The following CAST variants were observed in gnomAD, a reference collection of about 807,000 sequenced individuals.
CAST encodes calpastatin, also known as MIR583 host.
A neutral mutation model predicts 119.6 loss-of-function variants in CAST; 76 were observed. The ratio of observed to expected loss-of-function variants is 0.64; its 90% CI spans 0.53 to 0.77. The LOEUF (loss-of-function observed/expected upper bound fraction) is 0.77, where lower values mean the gene tolerates loss of function less well. Among genes scored for constraint, CAST ranks in the 30% least tolerant of loss-of-function variants. CAST has a pLI of 0.00. For missense variants in CAST, 953 were observed against 946.5 expected (o/e 1.01, Z -0.09); for synonymous variants, 319 against 331.6 (o/e 0.96, Z 0.41).
chr5:96,297,102 T>C, the CAST span, among the ~76,000 whole-genome samples: 2 of 152,210 alleles, frequency 1.3e-5, no homozygotes. Context: ...ATGCACAAGA[T>C]AGAAATTAGT....
the CAST span, among the ~76,000 whole-genome samples, chr5:96,468,806 C>G: frequency 6.6e-6 from 1 of 152,138 alleles, no homozygotes; most frequent in East Asian, 1.9e-4. Flanking sequence ...ACACATCTTC[C>G]CCTTCTGTCT....
the CAST span, among the ~76,000 whole-genome samples, chr5:96,025,803 T>G: frequency 6.6e-6 from 1 of 152,222 alleles, no homozygotes; most frequent in Non-Finnish European, 1.5e-5. Context: ...AAGAGTTAAG[T>G]AGCATAGTGT....
the CAST span, among the ~76,000 whole-genome samples, chr5:95,997,003 T>G: frequency 6.6e-6 from 1 of 152,128 alleles, no homozygotes; most frequent in African/African-American, 2.4e-5. Context: ...TTGAAAATAG[T>G]GATATTTTAC....
chr5:96,197,937 T>G, the CAST span, among the ~76,000 whole-genome samples: 35 of 152,182 alleles, frequency 2.3e-4, no homozygotes, highest in Non-Finnish European at 3.7e-4. Flanking sequence ...TTTTGTATTT[T>G]TTGTAGAGAT....
the CAST span, among the ~76,000 whole-genome samples, chr5:96,143,729 TAA>T: frequency 6.6e-6 from 1 of 152,076 alleles, no homozygotes; most frequent in Non-Finnish European, 1.5e-5. Context: ...GACAAGCTTG[TAA>T]AAAAAAGTTC....
At chr5:96,506,260 A>T in the CAST span, among the ~76,000 whole-genome samples, 1 of 152,226 alleles carries the variant, frequency 6.6e-6, no homozygotes. Context: ...GAATTCCTGA[A>T]GAGATTCTTG....
chr5:96,490,312 T>C, the CAST span, among the ~76,000 whole-genome samples: 1 of 151,748 alleles, frequency 6.6e-6, no homozygotes, highest in Middle Eastern at 3.2e-3. Flanking sequence ...ACAATCCCAA[T>C]ACAAATTTCA....
intron 1 of CAST, among the ~76,000 whole-genome samples, chr5:96,628,142 C>T (rs1020155788): frequency 1.3e-5 from 2 of 152,188 alleles, no homozygotes; most frequent in Admixed American, 6.5e-5. Flanking sequence ...TAATCATCTG[C>T]TTATCATTCA....
chr5:96,737,024 A>G (rs1351506418), intron 10 of CAST, among the ~76,000 whole-genome samples: 1 of 152,186 alleles, frequency 6.6e-6, no homozygotes. Context: ...GGAACAGTCA[A>G]ACACTTATAA....
chr5:96,522,475 A>G (rs1482917788), upstream of CAST, among the ~76,000 whole-genome samples: 1 of 152,222 alleles, frequency 6.6e-6, no homozygotes, highest in African/African-American at 2.4e-5. Context: ...AGGACGCTGT[A>G]GCCTATGTCA....
upstream of CAST, among the ~76,000 whole-genome samples, chr5:96,659,675 C>T (rs897316200): frequency 3.3e-5 from 5 of 151,972 alleles, no homozygotes; most frequent in Admixed American, 1.3e-4. Context: ...ATTACAGGTG[C>T]GCGCCACCAT....
chr5:96,405,802 T>C, the CAST span, among the ~76,000 whole-genome samples: 1 of 152,218 alleles, frequency 6.6e-6, no homozygotes, highest in Admixed American at 6.5e-5. Context: ...AAAATTGGCA[T>C]TACTTCTGTT....
At chr5:96,718,943 G>A (rs1244310580) in intron 3 of CAST, among the ~76,000 whole-genome samples, 2 of 152,132 alleles carry the variant, frequency 1.3e-5, no homozygotes, top group Admixed American at 6.5e-5. Context: ...GCGGTCAAGG[G>A]GAGAGATCAC....
At chr5:96,120,195 G>A in the CAST span, among the ~76,000 whole-genome samples, 1 of 152,032 alleles carries the variant, frequency 6.6e-6, no homozygotes, top group African/African-American at 2.4e-5. Context: ...GAGGAACTGG[G>A]GCTAATGAAT....
the CAST span, among the ~76,000 whole-genome samples, chr5:96,430,193 C>A: frequency 6.6e-6 from 1 of 152,172 alleles, no homozygotes; most frequent in African/African-American, 2.4e-5. Context: ...TTGTACTTCT[C>A]CGGGTATCTA....
the CAST span, among the ~76,000 whole-genome samples, chr5:96,447,896 T>A: frequency 6.6e-6 from 1 of 151,970 alleles, no homozygotes; most frequent in Non-Finnish European, 1.5e-5. Context: ...CTGATCTTTA[T>A]GGAAAACATA....
the CAST span, among the ~76,000 whole-genome samples, chr5:95,972,402 G>T: frequency 2.0e-5 from 3 of 148,220 alleles, no homozygotes; most frequent in Non-Finnish European, 4.5e-5. Flanking sequence ...GCATTGTCAG[G>T]TTTTTTTTTT....
intron 1 of CAST, among the ~76,000 whole-genome samples, chr5:96,666,777 A>G (rs1749389932): frequency 6.6e-6 from 1 of 152,144 alleles, no homozygotes; most frequent in African/African-American, 2.4e-5. Flanking sequence ...AAGGTTAATT[A>G]TATTCTACAG....
intron 1 of CAST, among the ~76,000 whole-genome samples, chr5:96,614,848 G>C (rs1305307948): frequency 6.6e-6 from 1 of 152,194 alleles, no homozygotes; most frequent in African/African-American, 2.4e-5. Flanking sequence ...CTGTCACTAA[G>C]AAGGCTAATG....
Sources: gnomAD v4.1 joint callset for allele counts (sites outside exome capture counted in the v4.1 genomes callset) on GRCh38, gnomAD v4.1.1 for gene constraint, MANE v1.5 for transcripts, NCBI Gene and HGNC (gene_info 2026-07-23, HGNC 2026-07-21) for gene names.